GCNT2: variants seen among roughly 807,000 people sequenced by gnomAD.
The protein encoded by GCNT2 is glucosaminyl (N-acetyl) transferase 2 (I blood group).
In GCNT2, 34 loss-of-function variants were observed where a neutral mutation model predicts 34.2. The ratio of observed to expected loss-of-function variants is 1.00; its 90% CI spans 0.76 to 1.32. The LOEUF (loss-of-function observed/expected upper bound fraction) is 1.32. Ranked by LOEUF, GCNT2 falls within the 40% of genes most tolerant of loss-of-function variation. GCNT2 has a pLI of 0.00. For missense variants in GCNT2, 584 were observed against 489.4 expected, an observed-to-expected ratio of 1.19 and a Z score of -1.82; for synonymous variants, 212 against 188.0, an observed-to-expected ratio of 1.13 and a Z score of -1.04.
intron 3 of GCNT2, among the ~76,000 whole-genome samples, chr6:10,605,256 C>G (rs986280208): frequency 1.4e-5 from 2 of 140,336 alleles, no homozygotes; most frequent in African/African-American, 5.4e-5. Context: ...CACTCTGCCA[C>G]CCAGGCTGGA....
chr6:10,560,468 C>T (rs1214075805), intron 3 of GCNT2, among the ~76,000 whole-genome samples: 1 of 152,054 alleles, frequency 6.6e-6, no homozygotes, highest in Non-Finnish European at 1.5e-5. Context: ...TTTTTGCAAA[C>T]GTGCAAGTGC....
At chr6:10,565,341 G>A (rs1004770195) in intron 3 of GCNT2, among the ~76,000 whole-genome samples, 11 of 152,220 alleles carry the variant, frequency 7.2e-5, no homozygotes, top group Admixed American at 3.9e-4. Flanking sequence ...CCTGTTTTCT[G>A]TGGAGTCCTA....
intron 3 of GCNT2, among the ~76,000 whole-genome samples, chr6:10,562,805 G>T (rs978808508): frequency 6.6e-6 from 1 of 152,092 alleles, no homozygotes; most frequent in Non-Finnish European, 1.5e-5. Context: ...TTTGGTGGAG[G>T]AGGCTGCTCA....
In GCNT2 at chr6:10,531,016, C is replaced by T. The variant is rs189894905; in HGVS notation, c.925+1180C>T. Among the ~76,000 whole-genome samples, 670 of 149,838 alleles carry T rather than the reference C, an allele frequency of 4.5e-3. 5 individuals carry two copies. Among genetic ancestry groups the T allele is most frequent in the Middle Eastern group, 0.028 (8 of 286 alleles). Reference sequence around the variant, plus strand: ...TTGCAGTGAGCCAAGATCACGTCATCGCACTCCAGCGGAGACTCTGTCTCA... The same window carrying T: ...TTGCAGTGAGCCAAGATCACGTCATTGCACTCCAGCGGAGACTCTGTCTCA... On this transcript the variant is annotated intron_variant, in intron 3 of 4. Transcript: ENST00000495262.
intron 3 of GCNT2, among the ~76,000 whole-genome samples, chr6:10,593,253 C>G (rs1229139636): frequency 3.9e-5 from 6 of 152,194 alleles, no homozygotes; most frequent in African/African-American, 1.4e-4. Flanking sequence ...TTAGAACCGG[C>G]AAGATCATTT....
In GCNT2 at chr6:10,626,767, C is replaced by A. The variant is rs1309898496; in HGVS notation, c.*160C>A. 6 of 636,784 alleles carry A rather than the reference C, an allele frequency of 9.4e-6. No individual in the cohort carries two copies. Among genetic ancestry groups the A allele is most frequent in the East Asian group, 2.8e-5 (1 of 36,326 alleles). The allele number at this position is 636,784 out of a possible 1,614,324, so 39.4% of individuals were successfully genotyped here. A position where few individuals can be genotyped will look rare whatever the true frequency, so the allele number is the denominator to read the frequency against. On this transcript the variant is annotated 3_prime_UTR_variant, in exon 5 of 5. Transcript: ENST00000495262. ...TTATACTTAAAATATCCACTGGACA[C>A]TGTGAAATACACTAACAGGATGGCT...
At chr6:10,561,108 A>G (rs369538818) in intron 3 of GCNT2, among the ~76,000 whole-genome samples, 2 of 152,160 alleles carry the variant, frequency 1.3e-5, no homozygotes, top group East Asian at 3.9e-4. Flanking sequence ...GCTCTAAGTC[A>G]CTTTAAGAAA....
chr6:10,536,499 C>T (rs369424373), intron 3 of GCNT2, among the ~76,000 whole-genome samples: 2 of 151,456 alleles, frequency 1.3e-5, no homozygotes, highest in East Asian at 1.9e-4. Flanking sequence ...GGACTACAGG[C>T]GCCCACCACT....
In GCNT2 at chr6:10,529,548, A is replaced by G. The variant is rs186235421; in HGVS notation, c.637A>G (p.Lys213Glu). ...TCAGTATCTGAAGGGATTTAAAGGG[A>G]AAAATATCACCCCCGGAGTGCTGCC... ...IVQYLKGFKG[K>E]NITPGVLPPD... Residue 213 changes from lysine to glutamate, a missense_variant, in exon 3 of 5, where the codon AAA becomes GAA. Lys to Glu is a moderately conservative substitution (Grantham distance 56). Transcript: ENST00000495262. 37 of 1,614,162 alleles carry G rather than the reference A, an allele frequency of 2.3e-5. No individual in the cohort carries two copies. Among genetic ancestry groups the G allele is most frequent in the Non-Finnish European group, 3.1e-5 (36 of 1,179,996 alleles).
At chr6:10,525,067 A>G (rs1761122064) in intron 1 of GCNT2, among the ~76,000 whole-genome samples, 2 of 152,144 alleles carry the variant, frequency 1.3e-5, no homozygotes, top group African/African-American at 2.4e-5. Context: ...TGGTCCATGA[A>G]TAATTAAGGT....
chr6:10,606,281 C>G (rs1765308055), intron 3 of GCNT2, among the ~76,000 whole-genome samples: 1 of 152,212 alleles, frequency 6.6e-6, no homozygotes, highest in Admixed American at 6.5e-5. Context: ...CGCTATTGCA[C>G]TCCAGCCTGG....
intron 3 of GCNT2, among the ~76,000 whole-genome samples, chr6:10,599,875 GTGA>G (rs1319045139): frequency 1.3e-5 from 2 of 152,084 alleles, no homozygotes; most frequent in African/African-American, 4.8e-5. Context: ...GAAGGTTGTG[GTGA>G]TGAAGTTTTT....
Position 10,579,835 on chromosome 6 carries a change from A to C in GCNT2, c.926-41516A>C, listed in dbSNP as rs934756230. On this transcript the variant is annotated intron_variant, in intron 3 of 4. Transcript: ENST00000495262. ...CATCTCAAAAAACAAACAAAAAAAA[A>C]AAAAAAAAAAAAACAAGTAATAAAA... Among the ~76,000 whole-genome samples, 372 of 150,190 alleles carry C rather than the reference A, an allele frequency of 2.5e-3. 4 individuals are homozygous for C. The highest frequency in any genetic ancestry group is 8.7e-3 in the African/African-American group (350 of 40,320).
intron 3 of GCNT2, chr6:10,586,933 T>A (rs747757623): frequency 3.2e-6 from 5 of 1,552,072 alleles, no homozygotes; most frequent in Middle Eastern, 3.5e-4. Flanking sequence ...TAATTTCCAT[T>A]CTGATTGATA....
intron 1 of GCNT2, among the ~76,000 whole-genome samples, chr6:10,522,966 G>A (rs570277843): frequency 3.3e-5 from 5 of 152,270 alleles, no homozygotes; most frequent in Admixed American, 6.5e-5. Context: ...GGCTTCTCCC[G>A]GAGACCCTGG....
In GCNT2 at chr6:10,556,995, A is replaced by G. The variant is rs757132008; in HGVS notation, c.925+27159A>G. ...AAGTACGTTATCAACACCTGTGGGC[A>G]AGACTTCCCCCTGAAAACCAACAAG... is the stretch of plus-strand genomic sequence containing the variant. On this transcript the variant is annotated intron_variant, in intron 3 of 4. Transcript: ENST00000495262. 12 of 1,613,600 alleles carry G rather than the reference A, an allele frequency of 7.4e-6. No homozygotes were observed. Among genetic ancestry groups the G allele is most frequent in the Admixed American group, 1.7e-5 (1 of 59,928 alleles).
chr6:10,575,994 T>TA (rs1179627781), intron 3 of GCNT2, among the ~76,000 whole-genome samples: 2 of 152,164 alleles, frequency 1.3e-5, no homozygotes, highest in Non-Finnish European at 2.9e-5. Context: ...CCAGGTGAAA[T>TA]AAACAGCCAT....
At chr6:10,574,188 G>A (rs1449497184) in intron 3 of GCNT2, among the ~76,000 whole-genome samples, 1 of 152,126 alleles carries the variant, frequency 6.6e-6, no homozygotes, top group Non-Finnish European at 1.5e-5. Context: ...GCCATAAATG[G>A]TGGCATCTGA....
chr6:10,530,776 T>A (rs771439129), intron 3 of GCNT2, among the ~76,000 whole-genome samples: 9 of 152,146 alleles, frequency 5.9e-5, no homozygotes, highest in Non-Finnish European at 1.3e-4. Flanking sequence ...ATTTCTAGGC[T>A]GAGCGCAGTG....
Sources: allele counts gnomAD v4.1 joint callset (sites outside exome capture counted in the v4.1 genomes callset), GRCh38; gene constraint gnomAD v4.1.1; transcripts MANE v1.5; gene names NCBI Gene and HGNC (gene_info 2026-07-23, HGNC 2026-07-21).